Variants in RBM39 observed in about 807,000 individuals in gnomAD.
RBM39 encodes RNA binding motif protein 39.
RBM39 carries 12 observed loss-of-function variants against 79.6 expected under a neutral mutation model. The ratio of observed to expected loss-of-function variants is 0.15; its 90% CI spans 0.10 to 0.24. RBM39 has a LOEUF of 0.24. Among genes scored for constraint, RBM39 ranks in the 10% least tolerant of loss-of-function variants. The pLI is 1.00. For missense variants in RBM39, 243 were observed against 653.4 expected (o/e 0.37, Z 6.85); for synonymous variants, 185 against 208.4 (o/e 0.89, Z 0.97).
At chr20:35,726,936 C>T (rs1303951878) in intron 6 of RBM39, among the ~76,000 whole-genome samples, 1 of 152,080 alleles carries the variant, frequency 6.6e-6, no homozygotes, top group Non-Finnish European at 1.5e-5. Flanking sequence ...AGCAATTCTC[C>T]TGCCTCTCTT....
intron 9 of RBM39, chr20:35,719,985 G>A (rs1025765464): frequency 5.0e-5 from 14 of 278,008 alleles, no homozygotes; most frequent in African/African-American, 1.4e-4. Flanking sequence ...GTTTTACCAC[G>A]TTGGCCAAGC....
chr20:35,733,718 A>G (rs887681042), intron 3 of RBM39, among the ~76,000 whole-genome samples: 2 of 152,258 alleles, frequency 1.3e-5, no homozygotes, highest in Admixed American at 1.3e-4. Context: ...ATACACCAGA[A>G]AATGGAGTAT....
chr20:35,725,610 C>CA (rs1320437356), intron 6 of RBM39, among the ~76,000 whole-genome samples: 2 of 151,104 alleles, frequency 1.3e-5, no homozygotes, highest in Non-Finnish European at 2.9e-5. Flanking sequence ...GTTCAGTAAA[C>CA]AGAGTAAGCT....
Position 35,701,729 on chromosome 20 carries a change from G to C in RBM39, c.*2752C>G, listed in dbSNP as rs914106319. The C allele has an allele frequency of 1.3e-5, 2 of 152,170 alleles. No homozygotes were observed. The highest frequency in any genetic ancestry group is 2.9e-5 in the Non-Finnish European group (2 of 68,112). The allele number at this position is 152,170 out of a possible 1,614,324, so 9.4% of individuals were successfully genotyped here. Reference sequence around the variant, plus strand: ...AGATCGAGCCATTGCACTCCAGCCTGGGCGACAGAGCGAGACTCTGTCTCA... The same window carrying C: ...AGATCGAGCCATTGCACTCCAGCCTCGGCGACAGAGCGAGACTCTGTCTCA... On this transcript the variant is annotated 3_prime_UTR_variant, in exon 17 of 17. Transcript: ENST00000253363.
intron 3 of RBM39, chr20:35,732,787 G>A (rs1177546110): frequency 2.0e-5 from 3 of 152,226 alleles, no homozygotes; most frequent in Non-Finnish European, 2.9e-5. Context: ...AAGCATTACT[G>A]TAATCCACAA....
chr20:35,709,298 G>T, intron 12 of RBM39, 24 bp from the exon 13 acceptor site: 1 of 1,582,766 alleles, frequency 6.3e-7, no homozygotes, highest in East Asian at 2.2e-5. Context: ...CAGGAACAAT[G>T]AAGAGCCTCA....
At chr20:35,739,309 T>G in intron 2 of RBM39, 2 of 464,946 alleles carry the variant, frequency 4.3e-6, no homozygotes, top group South Asian at 3.8e-5. Context: ...TTTACAATGT[T>G]GAAGTGGTTA....
At chr20:35,721,983 ACTACCCTACGTAAGT>A in intron 8 of RBM39, 106 bp from the exon 9 acceptor site, 4 of 1,314,520 alleles carry the variant, frequency 3.0e-6, no homozygotes, top group Non-Finnish European at 4.2e-6. Flanking sequence ...TGATAAAAAT[ACTACCCTACGTAAGT>A]CAGATACTAC....
intron 13 of RBM39, among the ~76,000 whole-genome samples, chr20:35,708,224 G>GA (rs1035252391): frequency 1.3e-5 from 2 of 151,604 alleles, no homozygotes; most frequent in Non-Finnish European, 2.9e-5. Flanking sequence ...AATTCTGCTG[G>GA]AAAAAAGTTA....
intron 9 of RBM39, chr20:35,719,939 C>T: frequency 4.0e-6 from 1 of 249,950 alleles, no homozygotes; most frequent in Non-Finnish European, 8.6e-6. Flanking sequence ...TGCGCCACCA[C>T]ACCCACCTAA....
chr20:35,710,021 G>C (rs2036204344), intron 12 of RBM39, among the ~76,000 whole-genome samples: 1 of 152,190 alleles, frequency 6.6e-6, no homozygotes, highest in South Asian at 2.1e-4. Context: ...ATAATCGTTA[G>C]ATTTCTACAG....
chr20:35,714,638 A>G (rs1238892448), intron 10 of RBM39, among the ~76,000 whole-genome samples: 1 of 152,160 alleles, frequency 6.6e-6, no homozygotes, highest in Admixed American at 6.6e-5. Flanking sequence ...ATTTGAGAAC[A>G]TGGGGATTGT....
chr20:35,729,639 C>T (rs1403584038), intron 4 of RBM39, 112 bp from the exon 5 acceptor site: 2 of 961,032 alleles, frequency 2.1e-6, no homozygotes, highest in African/African-American at 3.3e-5. Flanking sequence ...TTTTCCACCT[C>T]AGTTATGAAG....
At chr20:35,707,027 T>TAAAAA (rs58614202) in intron 14 of RBM39, 93 bp downstream of exon 14, 31 of 151,854 alleles carry the variant, frequency 2.0e-4, no homozygotes, top group East Asian at 7.0e-4. Context: ...AACTCCATCT[T>TAAAAA]AAAAAAAAAA....
intron 8 of RBM39, among the ~76,000 whole-genome samples, chr20:35,723,364 C>T (rs968732792): frequency 1.3e-5 from 2 of 152,142 alleles, no homozygotes; most frequent in Admixed American, 1.3e-4. Flanking sequence ...TAATATGCTA[C>T]TTCTCAGCCC....
chr20:35,717,862 A>AC (rs1293529607), intron 9 of RBM39, among the ~76,000 whole-genome samples: 23 of 139,438 alleles, frequency 1.6e-4, no homozygotes, highest in Non-Finnish European at 2.9e-4. Flanking sequence ...CAAGAAAGGA[A>AC]CTTTTTTTTT....
chr20:35,717,824 C>T (rs540127383), intron 9 of RBM39, among the ~76,000 whole-genome samples: 1 of 152,042 alleles, frequency 6.6e-6, no homozygotes, highest in South Asian at 2.1e-4. Flanking sequence ...ACTCCAGCCT[C>T]AGTCACAGAG....
rs555136304 is a variant in RBM39 at position 35,718,813 on chromosome 20, CAAAAAAAA to C, written c.826-2016_826-2009del. On this transcript the variant is annotated intron_variant, in intron 9 of 16. Coordinates refer to ENST00000253363, the MANE Select transcript of RBM39 (RefSeq NM_184234.3). ...GGGCAACAAGAGCAATACTCCATCTCAAAAAAAAAAAAAAAAAAAAAAAGCCAGGCATG... is the reference window on the plus strand; with the variant it reads ...GGGCAACAAGAGCAATACTCCATCTCAAAAAAAAAAAAAAAGCCAGGCATG... Among the ~76,000 whole-genome samples, 375 of 37,880 alleles carry C rather than the reference CAAAAAAAA, an allele frequency of 9.9e-3. 1 individual carries two copies. Among genetic ancestry groups the C allele is most frequent in the African/African-American group, 0.035 (351 of 10,092 alleles). 24.9% of individuals were successfully genotyped at this position (37,880 alleles called of 152,430 possible).
intron 3 of RBM39, 74 bp downstream of exon 3, chr20:35,738,894 A>G: frequency 7.6e-7 from 1 of 1,308,644 alleles, no homozygotes; most frequent in Non-Finnish European, 1.1e-6. Flanking sequence ...TACTTTAGCC[A>G]CAGGAACACA....
Sources: gnomAD v4.1 joint callset for allele counts (sites outside exome capture counted in the v4.1 genomes callset) on GRCh38, gnomAD v4.1.1 for gene constraint, MANE v1.5 for transcripts, NCBI Gene and HGNC (gene_info 2026-07-23, HGNC 2026-07-21) for gene names.